GSAP: variants seen among roughly 807,000 people sequenced by gnomAD.
GSAP encodes the protein gamma-secretase-activating protein.
Under a neutral mutation model 131.7 loss-of-function variants are expected in GSAP, and 118 were observed. The observed-to-expected ratio is 0.90, with a 90% CI of 0.77 to 1.04. The LOEUF (loss-of-function observed/expected upper bound fraction) is 1.04. Among genes scored for constraint, GSAP ranks in the 50% least tolerant of loss-of-function variants. The pLI is 0.00. For missense variants in GSAP, 1,019 were observed against 1,013.2 expected (o/e 1.01, Z -0.08); for synonymous variants, 381 against 363.4 (o/e 1.05, Z -0.55).
At chr7:77,357,602 CAT>C (rs928915839) in intron 14 of GSAP, among the ~76,000 whole-genome samples, 9 of 152,158 alleles carry the variant, frequency 5.9e-5, no homozygotes, top group African/African-American at 2.2e-4. Flanking sequence ...CCACACATAA[CAT>C]ACACTAATAA....
chr7:77,325,515 T>A (rs1788207049), intron 23 of GSAP, among the ~76,000 whole-genome samples: 1 of 152,236 alleles, frequency 6.6e-6, no homozygotes, highest in African/African-American at 2.4e-5. Context: ...TTTTTGGTCA[T>A]CCTAGTATTA....
intron 5 of GSAP, among the ~76,000 whole-genome samples, chr7:77,390,934 C>T (rs1207662851): frequency 3.7e-5 from 4 of 107,010 alleles, no homozygotes; most frequent in African/African-American, 7.6e-5. Flanking sequence ...GGTGACAGAG[C>T]GAGACTCCGT....
intron 12 of GSAP, 36 bp downstream of exon 12, chr7:77,374,034 C>T (rs779622545): frequency 2.4e-5 from 28 of 1,145,042 alleles, no homozygotes; most frequent in Admixed American, 5.4e-5. Flanking sequence ...AACTCAAATA[C>T]GGTTGAATAA....
At chr7:77,349,145 T>C (rs1039460184) in intron 19 of GSAP, among the ~76,000 whole-genome samples, 6 of 152,208 alleles carry the variant, frequency 3.9e-5, no homozygotes, top group African/African-American at 1.4e-4. Context: ...GGAAACTTCC[T>C]TCAAAGAGCA....
At chr7:77,352,306 C>T (rs1221549331) in intron 18 of GSAP, among the ~76,000 whole-genome samples, 2 of 152,202 alleles carry the variant, frequency 1.3e-5, no homozygotes, top group African/African-American at 4.8e-5. Flanking sequence ...AAATAAGAAA[C>T]ATGAGGCAGA....
intron 24 of GSAP, 110 bp downstream of exon 24, chr7:77,323,537 C>CA: frequency 1.8e-6 from 1 of 558,170 alleles, no homozygotes; most frequent in East Asian, 3.1e-5. Context: ...GGGAGATCTC[C>CA]AAAAATCTAA....
chr7:77,382,142 A>G (rs1797898814), intron 7 of GSAP, among the ~76,000 whole-genome samples: 1 of 151,638 alleles, frequency 6.6e-6, no homozygotes, highest in Non-Finnish European at 1.5e-5. Context: ...GAACCTGTCT[A>G]AGTTAGTAGG....
chr7:77,353,574 A>G lies in GSAP; in HGVS notation c.1406T>C (p.Ile469Thr), dbSNP rs992705199. Reference sequence around the variant, plus strand: ...GCTGCAACATCAGCAACACTTACCAATTATAAATTCCTGAATGAGGTCAAA... The same window carrying G: ...GCTGCAACATCAGCAACACTTACCAGTTATAAATTCCTGAATGAGGTCAAA... Reference protein sequence around the residue: ...HSFDLIQEFIIASSYWSVYSE... With the variant: ...HSFDLIQEFITASSYWSVYSE... Residue 469 changes from isoleucine to threonine, a missense_variant and splice_region_variant, in exon 17 of 31, where the codon ATT becomes ACT. Transcript: ENST00000257626. 20 of 1,602,680 alleles carry G rather than the reference A, an allele frequency of 1.2e-5. No individual in the cohort carries two copies. The highest frequency in any genetic ancestry group is 4.0e-5 in the African/African-American group (3 of 74,702).
rs1434765474 is a variant in GSAP, at chr7:77,374,966, CTTTT to C, written c.785+88_785+91del. The C allele has an allele frequency of 8.2e-6, 5 of 613,266 alleles. No homozygotes were observed. In the South Asian group the frequency reaches 1.1e-4, roughly 13 times the overall value. 38.0% of individuals were successfully genotyped at this position (613,266 alleles called of 1,614,324 possible). On this transcript the variant is annotated intron_variant, in intron 11 of 30. Transcript: ENST00000257626. ...AGATGCACACAGAATATCAAACTCT[CTTTT>C]TATCTGCATAATATAATGTACGAAT...
chr7:77,388,535 A>G (rs1798921318), intron 5 of GSAP, among the ~76,000 whole-genome samples: 1 of 152,188 alleles, frequency 6.6e-6, no homozygotes, highest in Non-Finnish European at 1.5e-5. Flanking sequence ...TACCAAAGAT[A>G]TCTAAATTTA....
intron 5 of GSAP, among the ~76,000 whole-genome samples, chr7:77,394,106 C>A (rs189088310): frequency 5.3e-5 from 8 of 152,354 alleles, no homozygotes; most frequent in Admixed American, 5.2e-4. Context: ...CCATCTTCCA[C>A]GCAGCAGCTA....
chr7:77,310,788 CTAAATCAACCTTTTA>C lies in GSAP; in HGVS notation c.*555_*569del, dbSNP rs1349321974. On this transcript the variant is annotated 3_prime_UTR_variant, in exon 31 of 31. Transcript: ENST00000257626. ...TTTTTTAATGACTGACAAAATATTC[CTAAATCAACCTTTTA>C]TAAATAAAAAAAAATAAATATGTTT... 6.6e-6 allele frequency: 1 copy of C among 151,876 alleles called. No individual in the cohort carries two copies. 9.4% of individuals were successfully genotyped at this position (151,876 alleles called of 1,614,324 possible). A position where few individuals can be genotyped will look rare whatever the true frequency, so the allele number is the denominator to read the frequency against.
intron 5 of GSAP, among the ~76,000 whole-genome samples, chr7:77,393,818 C>T (rs150569722): frequency 3.7e-4 from 56 of 152,020 alleles, no homozygotes; most frequent in African/African-American, 1.2e-3. Flanking sequence ...GGATTACAGG[C>T]GTGTGCCACC....
chr7:77,318,005 C>T (rs910758483), intron 26 of GSAP, among the ~76,000 whole-genome samples: 6 of 152,126 alleles, frequency 3.9e-5, no homozygotes, highest in South Asian at 2.1e-4. Flanking sequence ...GATTCCAAAC[C>T]GTATCAGATG....
At chr7:77,376,447 A>G (rs1203267849) in intron 10 of GSAP, among the ~76,000 whole-genome samples, 1 of 152,196 alleles carries the variant, frequency 6.6e-6, no homozygotes, top group Admixed American at 6.5e-5. Flanking sequence ...CAGGAATGCT[A>G]AAGCGCTGCT....
chr7:77,376,754 C>T (rs895813652), intron 10 of GSAP, 94 bp downstream of exon 10: 23 of 646,290 alleles, frequency 3.6e-5, no homozygotes, highest in East Asian at 1.5e-4. Flanking sequence ...CCAGCGTGTG[C>T]GACAGAGTGA....
At chr7:77,328,371 C>T in intron 22 of GSAP, 1 of 1,266,834 alleles carries the variant, frequency 7.9e-7, no homozygotes, top group Non-Finnish European at 9.9e-7. Flanking sequence ...GCAAGGCCAT[C>T]ACCCAGGGAC....
chr7:77,387,209 A>G, intron 6 of GSAP, 151 bp downstream of exon 6: 1 of 455,238 alleles, frequency 2.2e-6, no homozygotes. Context: ...CATGCTTGCA[A>G]ACAAAGAGCG....
intron 5 of GSAP, among the ~76,000 whole-genome samples, chr7:77,395,786 C>A (rs1416058820): frequency 6.6e-6 from 1 of 152,124 alleles, no homozygotes; most frequent in East Asian, 1.9e-4. Flanking sequence ...GTTTTTCCAT[C>A]ACATGCAATG....
Sources: gnomAD v4.1 joint callset for allele counts (sites outside exome capture counted in the v4.1 genomes callset) on GRCh38, gnomAD v4.1.1 for gene constraint, MANE v1.5 for transcripts, NCBI Gene and HGNC (gene_info 2026-07-23, HGNC 2026-07-21) for gene names.